Variants in UPP2 observed in about 807,000 individuals in gnomAD.
UPP2 encodes the protein uridine phosphorylase 2.
A neutral mutation model predicts 26.7 loss-of-function variants in UPP2; 23 were observed. The observed-to-expected ratio is 0.86, with a 90% CI of 0.62 to 1.22. The LOEUF (loss-of-function observed/expected upper bound fraction) is 1.22. Among genes scored for constraint, UPP2 ranks in the 50% most tolerant of loss-of-function variants. The pLI, the probability that UPP2 is intolerant of heterozygous loss-of-function variation, is 0.00. For synonymous variants in UPP2, 127 were observed against 141.3 expected, an observed-to-expected ratio of 0.90 and a Z score of 0.72; for missense variants, 387 against 396.7, an observed-to-expected ratio of 0.98 and a Z score of 0.21.
intron 6 of UPP2, among the ~76,000 whole-genome samples, chr2:158,132,026 A>C (rs1683829470): frequency 6.6e-6 from 1 of 152,240 alleles, no homozygotes; most frequent in Non-Finnish European, 1.5e-5. Context: ...AAAGTGAAGG[A>C]TTAGAGAAGG....
chr2:158,134,668 G>T (rs1683893763), intron 6 of UPP2, 80 bp from the exon 7 acceptor site: 1 of 1,439,486 alleles, frequency 6.9e-7, no homozygotes, highest in Non-Finnish European at 9.2e-7. Context: ...ATGTGCTAGG[G>T]ATGCTGGTGT....
At chr2:158,096,600 A>AAAATAAATAAAT (rs529079139) in intron 3 of UPP2, among the ~76,000 whole-genome samples, 4 of 151,980 alleles carry the variant, frequency 2.6e-5, no homozygotes, top group African/African-American at 9.7e-5. Context: ...CTCTGTCTCA[A>AAAATAAATAAAT]AAATAAATAA....
At chr2:158,088,936 T>C (rs898676483) in intron 3 of UPP2, among the ~76,000 whole-genome samples, 2 of 152,152 alleles carry the variant, frequency 1.3e-5, no homozygotes, top group Admixed American at 1.3e-4. Context: ...TTTTGCTTAT[T>C]GTGCTAGTTT....
At chr2:158,011,171 GT>G (rs1683571423) in intron 2 of UPP2, among the ~76,000 whole-genome samples, 1 of 152,132 alleles carries the variant, frequency 6.6e-6, no homozygotes. Context: ...CCAAACCCTT[GT>G]GCTGGGGAAC....
At chr2:158,085,667 G>T (rs1682803270) in intron 3 of UPP2, among the ~76,000 whole-genome samples, 1 of 152,028 alleles carries the variant, frequency 6.6e-6, no homozygotes, top group African/African-American at 2.4e-5. Context: ...TTACATTGAG[G>T]TATATCCCTT....
At chr2:158,120,270 T>C (rs147823892) in intron 4 of UPP2, among the ~76,000 whole-genome samples, 2 of 152,144 alleles carry the variant, frequency 1.3e-5, no homozygotes, top group African/African-American at 2.4e-5. Context: ...TATTGCAACT[T>C]CTCAACTCTG....
chr2:158,092,268 TAA>T (rs1188769800), intron 3 of UPP2, among the ~76,000 whole-genome samples: 1 of 152,176 alleles, frequency 6.6e-6, no homozygotes, highest in Admixed American at 6.5e-5. Context: ...GCCATGAGAA[TAA>T]GTTATTTTCT....
chr2:158,124,986 G>C (rs1003198500), intron 6 of UPP2, among the ~76,000 whole-genome samples: 3 of 152,134 alleles, frequency 2.0e-5, no homozygotes, highest in African/African-American at 4.8e-5. Context: ...GCTATGCAAT[G>C]GGTAAGATAA....
At chr2:158,057,699 T>C (rs1484417396) in intron 3 of UPP2, among the ~76,000 whole-genome samples, 1 of 152,164 alleles carries the variant, frequency 6.6e-6, no homozygotes, top group Non-Finnish European at 1.5e-5. Flanking sequence ...TTTAACCTAA[T>C]TTTTATTATT....
chr2:158,117,696 C>T (rs1395491956), intron 3 of UPP2, 128 bp from the exon 4 acceptor site: 4 of 711,802 alleles, frequency 5.6e-6, no homozygotes, highest in Non-Finnish European at 9.7e-6. Flanking sequence ...TTTTCCTCAG[C>T]ATTGGCAAAG....
chr2:158,043,351 C>A (rs1332892381), intron 3 of UPP2, among the ~76,000 whole-genome samples: 1 of 151,892 alleles, frequency 6.6e-6, no homozygotes, highest in Non-Finnish European at 1.5e-5. Flanking sequence ...TTGTGCAATC[C>A]CGACATTGCA....
At chr2:158,050,367 T>A (rs533531682) in intron 3 of UPP2, among the ~76,000 whole-genome samples, 2 of 151,946 alleles carry the variant, frequency 1.3e-5, no homozygotes, top group East Asian at 3.9e-4. Flanking sequence ...TTGGCTCCAA[T>A]GTATTTACAT....
intron 3 of UPP2, among the ~76,000 whole-genome samples, chr2:158,038,130 T>C (rs2105161697): frequency 1.3e-5 from 2 of 152,336 alleles, no homozygotes; most frequent in Middle Eastern, 6.8e-3. Flanking sequence ...ACCATCTTAT[T>C]TTCAGTTTCC....
intron 2 of UPP2, chr2:158,015,714 T>C (rs1004701672): frequency 3.9e-5 from 17 of 438,000 alleles, no homozygotes; most frequent in African/African-American, 3.0e-4. Flanking sequence ...CTTGTGATAG[T>C]GAGCTCTCAC....
At chr2:158,100,737 G>C (rs2105209481), upstream of UPP2, among the ~76,000 whole-genome samples, 1 of 152,330 alleles carries the variant, frequency 6.6e-6, no homozygotes, top group Non-Finnish European at 1.5e-5. Context: ...TCCAGGATAA[G>C]TGTCCTCAGG....
intron 2 of UPP2, among the ~76,000 whole-genome samples, chr2:158,001,957 CAA>C (rs200818827): frequency 1.5e-3 from 97 of 65,488 alleles, no homozygotes; most frequent in African/African-American, 4.5e-3. Flanking sequence ...GAATGAGCAC[CAA>C]AAAAAAAAAA....
intron 6 of UPP2, among the ~76,000 whole-genome samples, chr2:158,129,434 T>G (rs926000399): frequency 6.6e-6 from 1 of 152,054 alleles, no homozygotes; most frequent in Non-Finnish European, 1.5e-5. Flanking sequence ...GGATGTGGAC[T>G]TGCAAGAAGC....
chr2:158,049,667 A>T (rs1261061029), intron 3 of UPP2, among the ~76,000 whole-genome samples: 3 of 152,134 alleles, frequency 2.0e-5, no homozygotes, highest in African/African-American at 4.8e-5. Context: ...TGCGGGGAGG[A>T]GGAGCGCCAG....
intron 2 of UPP2, among the ~76,000 whole-genome samples, chr2:158,006,225 C>T (rs1049181227): frequency 6.6e-6 from 1 of 152,144 alleles, no homozygotes; most frequent in Non-Finnish European, 1.5e-5. Context: ...TTTGGGAGGA[C>T]GAGGCGGGCA....
Sources: allele counts gnomAD v4.1 joint callset (sites outside exome capture counted in the v4.1 genomes callset), GRCh38; gene constraint gnomAD v4.1.1; transcripts MANE v1.5; gene names NCBI Gene and HGNC (gene_info 2026-07-23, HGNC 2026-07-21).